Variants in NCOA1 observed in about 807,000 individuals in gnomAD.
NCOA1 encodes the protein nuclear receptor coactivator 1.
Under a neutral mutation model 150.9 loss-of-function variants are expected in NCOA1, and 35 were observed. The ratio of observed to expected loss-of-function variants is 0.23; its 90% CI spans 0.18 to 0.31. The LOEUF (loss-of-function observed/expected upper bound fraction) is 0.31. Ranked by LOEUF, NCOA1 falls within the 10% of genes least tolerant of loss-of-function variation. The pLI is 1.00. For synonymous variants in NCOA1, 590 were observed against 630.0 expected (o/e 0.94, Z 0.95); for missense variants, 1,491 against 1,749.3 (o/e 0.85, Z 2.63).
chr2:24,535,706 T>C (rs925265233), intron 1 of NCOA1, among the ~76,000 whole-genome samples: 3 of 152,206 alleles, frequency 2.0e-5, no homozygotes, highest in Non-Finnish European at 4.4e-5. Flanking sequence ...CCTTCACTTA[T>C]GAAGCTTAGT....
intron 1 of NCOA1, among the ~76,000 whole-genome samples, chr2:24,521,494 C>A (rs1440383437): frequency 1.3e-5 from 2 of 152,086 alleles, no homozygotes; most frequent in Admixed American, 1.3e-4. Flanking sequence ...TAATATTTGT[C>A]CTCTGTGTCT....
intron 1 of NCOA1, chr2:24,491,851 C>A (rs915953741): frequency 6.6e-6 from 1 of 151,796 alleles, no homozygotes; most frequent in African/African-American, 2.4e-5. Context: ...ATCGCTGCAG[C>A]AGCGACTTCT....
intron 3 of NCOA1, among the ~76,000 whole-genome samples, chr2:24,626,099 G>A (rs1669396108): frequency 6.6e-6 from 1 of 152,030 alleles, no homozygotes; most frequent in Non-Finnish European, 1.5e-5. Flanking sequence ...GTGAGAGAGG[G>A]GCATTAAAAT....
intron 22 of NCOA1, chr2:24,767,772 T>G (rs1665142252): frequency 3.4e-6 from 1 of 291,364 alleles, no homozygotes; most frequent in South Asian, 9.6e-5. Context: ...TTTGTTTTGC[T>G]AATACTGGTT....
intron 2 of NCOA1, among the ~76,000 whole-genome samples, chr2:24,569,882 G>GA (rs904053246): frequency 7.6e-5 from 11 of 144,140 alleles, no homozygotes; most frequent in East Asian, 2.0e-4. Context: ...AAAAAAAAAA[G>GA]AAAAAAAAAG....
intron 1 of NCOA1, among the ~76,000 whole-genome samples, chr2:24,517,945 G>A (rs1475102195): frequency 6.6e-6 from 1 of 152,110 alleles, no homozygotes; most frequent in Non-Finnish European, 1.5e-5. Flanking sequence ...TTTTTACATA[G>A]TTCCTTCTGG....
chr2:24,628,616 T>G (rs866488459), intron 3 of NCOA1, among the ~76,000 whole-genome samples: 3 of 152,208 alleles, frequency 2.0e-5, no homozygotes, highest in Non-Finnish European at 4.4e-5. Context: ...GTGGAAAATA[T>G]GCTGTGAAGA....
chr2:24,656,117 TA>T (rs1405507355), intron 4 of NCOA1, among the ~76,000 whole-genome samples: 1 of 145,344 alleles, frequency 6.9e-6, no homozygotes, highest in Non-Finnish European at 1.5e-5. Flanking sequence ...AAGGAAGAAG[TA>T]AAAACTGACA....
intron 3 of NCOA1, among the ~76,000 whole-genome samples, chr2:24,597,382 G>C (rs1020299530): frequency 4.6e-5 from 7 of 152,174 alleles, no homozygotes; most frequent in African/African-American, 1.7e-4. Flanking sequence ...TGAGACATGA[G>C]GGCTTATCTT....
intron 17 of NCOA1, among the ~76,000 whole-genome samples, chr2:24,737,435 C>G (rs943823897): frequency 3.3e-5 from 5 of 152,222 alleles, no homozygotes; most frequent in Admixed American, 3.3e-4. Flanking sequence ...TAAAAAAGAG[C>G]CTATTACTAC....
chr2:24,741,144 AATGGTAT>A (rs1663580014), intron 18 of NCOA1, among the ~76,000 whole-genome samples: 1 of 152,100 alleles, frequency 6.6e-6, no homozygotes, highest in African/African-American at 2.4e-5. Flanking sequence ...TTCCTTTTTT[AATGGTAT>A]TTGTAGGTTT....
intron 11 of NCOA1, among the ~76,000 whole-genome samples, chr2:24,699,822 G>A (rs1673068895): frequency 6.6e-6 from 1 of 152,154 alleles, no homozygotes; most frequent in Non-Finnish European, 1.5e-5. Context: ...ATGAAGGCCT[G>A]CCCAGATATC....
intron 3 of NCOA1, among the ~76,000 whole-genome samples, chr2:24,636,637 A>G (rs1350533651): frequency 6.6e-6 from 1 of 152,154 alleles, no homozygotes. Flanking sequence ...GAACTCCACT[A>G]TATTCAATAC....
intron 16 of NCOA1, 81 bp downstream of exon 16, chr2:24,728,557 T>G: frequency 8.2e-7 from 1 of 1,216,010 alleles, no homozygotes; most frequent in Admixed American, 2.5e-5. Flanking sequence ...TTTAAAGTAT[T>G]GTACCCACTA....
At chr2:24,528,344 C>CTTTTTT (rs375096042) in intron 1 of NCOA1, among the ~76,000 whole-genome samples, 16 of 125,838 alleles carry the variant, frequency 1.3e-4, no homozygotes, top group Non-Finnish European at 1.5e-4. Flanking sequence ...CAATTTCATT[C>CTTTTTT]TTTTTTTTTT....
intron 10 of NCOA1, among the ~76,000 whole-genome samples, chr2:24,694,128 C>G (rs1348021090): frequency 1.3e-5 from 2 of 152,170 alleles, no homozygotes; most frequent in Non-Finnish European, 2.9e-5. Flanking sequence ...GCAGGAGAGC[C>G]TCAAACTGAG....
intron 3 of NCOA1, among the ~76,000 whole-genome samples, chr2:24,587,497 A>G (rs995648): frequency 0.81 from 123,665 of 152,114 alleles, 51,973 homozygotes; most frequent in East Asian, 0.99. Flanking sequence ...ATTTCATTTT[A>G]AAAATAATTT....
chr2:24,614,589 C>T (rs951443884), intron 3 of NCOA1, among the ~76,000 whole-genome samples: 1 of 152,000 alleles, frequency 6.6e-6, no homozygotes, highest in African/African-American at 2.4e-5. Context: ...TCTAGCCCAG[C>T]ATATTCTCAT....
intron 1 of NCOA1, among the ~76,000 whole-genome samples, chr2:24,559,653 T>C (rs578203390): frequency 6.6e-5 from 10 of 152,252 alleles, no homozygotes; most frequent in African/African-American, 2.2e-4. Flanking sequence ...TGCCCTTTCT[T>C]CCATGTTTTG....
Sources: gnomAD v4.1 joint callset for allele counts (sites outside exome capture counted in the v4.1 genomes callset) on GRCh38, gnomAD v4.1.1 for gene constraint, MANE v1.5 for transcripts, NCBI Gene and HGNC (gene_info 2026-07-23, HGNC 2026-07-21) for gene names.